Variants in MAST4 observed in about 807,000 individuals in gnomAD.
MAST4 encodes microtubule associated serine/threonine kinase family member 4.
A neutral mutation model predicts 162.7 loss-of-function variants in MAST4; 89 were observed. That is an observed-to-expected ratio of 0.55 (90% CI 0.46 to 0.65). The LOEUF (loss-of-function observed/expected upper bound fraction) is 0.65. Ranked by LOEUF, MAST4 falls within the 30% of genes least tolerant of loss-of-function variation. The probability of loss-of-function intolerance (pLI) is 0.00; values close to 1 mark genes in which losing one functional copy is unlikely to be tolerated. For missense variants in MAST4, 3,153 were observed against 3,374.0 expected (o/e 0.93, Z 1.62); for synonymous variants, 1,479 against 1,361.1 (o/e 1.09, Z -1.91).
intron 4 of MAST4, chr5:66,902,875 CT>C (rs764378742): frequency 2.7e-5 from 9 of 335,478 alleles, no homozygotes; most frequent in Non-Finnish European, 5.3e-5. Flanking sequence ...TACTTTCCCC[CT>C]CATTCTCCTT....
chr5:67,145,321 C>T lies in MAST4; in HGVS notation c.3036C>T (p.Ala1012=). Residue 1012 remains alanine, a synonymous_variant, in exon 23 of 29, where the codon GCC becomes GCT. Transcript: ENST00000403625. Reference sequence around the variant, plus strand: ...CAGCCCTTCCTCCTGAAGAGTGTGCCCAGGAGGAGCCTGAGGTCACCACCC... The same window carrying T: ...CAGCCCTTCCTCCTGAAGAGTGTGCTCAGGAGGAGCCTGAGGTCACCACCC... ...GKPALPPEEC[A]QEEPEVTTPA... is the part of the protein sequence containing the mutation. 6.2e-7 allele frequency: 1 copy of T among 1,613,634 alleles called. No homozygotes were observed. The highest frequency in any genetic ancestry group is 8.5e-7 in the Non-Finnish European group (1 of 1,179,860).
intron 4 of MAST4, among the ~76,000 whole-genome samples, chr5:66,977,077 C>T (rs1748235909): frequency 1.3e-5 from 2 of 152,120 alleles, no homozygotes; most frequent in Non-Finnish European, 1.5e-5. Context: ...GTCTCACCTT[C>T]ATGAATATGG....
In MAST4 at chr5:67,163,230, C is replaced by G; in HGVS notation, c.4051C>G (p.Leu1351Val). 1 of 1,613,952 alleles carries G rather than the reference C, an allele frequency of 6.2e-7. No individual in the cohort carries two copies. The highest frequency in any genetic ancestry group is 8.5e-7 in the Non-Finnish European group (1 of 1,179,902). Reference sequence around the variant, plus strand: ...GTCCGGGCACATCCGGCCCAGCACTCTCCACGGTCTTGCACCCAAACTCGG... The same window carrying G: ...GTCCGGGCACATCCGGCCCAGCACTGTCCACGGTCTTGCACCCAAACTCGG... ...AGSGHIRPSTLHGLAPKLGGQ... is the reference protein window; with the variant it reads ...AGSGHIRPSTVHGLAPKLGGQ... Residue 1351 changes from leucine (L) to valine (V), a missense_variant, in exon 29 of 29, where the codon CTC (leucine) becomes GTC (valine). Transcript: ENST00000403625. This position sits in a 1 kb window ranked among gnomAD's most constrained non-coding sequence, Gnocchi z 7.0.
chr5:66,958,121 T>G (rs184717389), intron 4 of MAST4, among the ~76,000 whole-genome samples: 298 of 151,742 alleles, frequency 2.0e-3, no homozygotes, highest in African/African-American at 6.9e-3. Flanking sequence ...CTCTCTCTCT[T>G]TGTGTGTGTG....
At chr5:66,981,922 A>T (rs569102681) in intron 4 of MAST4, among the ~76,000 whole-genome samples, 1 of 152,184 alleles carries the variant, frequency 6.6e-6, no homozygotes, top group African/African-American at 2.4e-5. Context: ...TAAAAACCCA[A>T]TGAGATCATT....
At chr5:66,697,743 A>G (rs1749496868) in intron 1 of MAST4, among the ~76,000 whole-genome samples, 1 of 152,100 alleles carries the variant, frequency 6.6e-6, no homozygotes, top group South Asian at 2.1e-4. Context: ...ATTATTTTTT[A>G]TTTTCTTCTC....
At chr5:66,710,865 A>G (rs1750452835) in intron 1 of MAST4, among the ~76,000 whole-genome samples, 1 of 152,196 alleles carries the variant, frequency 6.6e-6, no homozygotes, top group Admixed American at 6.5e-5. Flanking sequence ...TTTGTTCTTT[A>G]TGTATCATAT....
At position 67,071,116 on chromosome 5, in the gene MAST4, CTT is replaced by C. The variant is rs1364611098; in HGVS notation, c.763+16626_763+16627del. On this transcript the variant is annotated intron_variant, in intron 5 of 28. Transcript: ENST00000403625. ...TGATCAAAAATACTATCATTGAAGACTTTGATAAGTTGGTTAACAGTAAAATC... is the reference window on the plus strand; with the variant it reads ...TGATCAAAAATACTATCATTGAAGACTGATAAGTTGGTTAACAGTAAAATC... Among the ~76,000 whole-genome samples, 3 of 152,078 alleles carry C rather than the reference CTT, an allele frequency of 2.0e-5. No individual in the cohort carries two copies. In the South Asian group the frequency reaches 6.2e-4, roughly 32 times the overall value.
intron 4 of MAST4, among the ~76,000 whole-genome samples, chr5:67,041,331 A>G (rs989866423): frequency 6.6e-6 from 1 of 152,172 alleles, no homozygotes; most frequent in Non-Finnish European, 1.5e-5. Flanking sequence ...TCTGAAACCC[A>G]CCAATTATAC....
At chr5:66,970,277 G>A (rs191268109) in intron 4 of MAST4, among the ~76,000 whole-genome samples, 147 of 152,346 alleles carry the variant, frequency 9.6e-4, no homozygotes, top group Non-Finnish European at 8.8e-5. Context: ...CTCCAGAGGA[G>A]GACAGGGTGG....
chr5:66,997,623 G>C (rs1425011429), intron 4 of MAST4, among the ~76,000 whole-genome samples: 1 of 151,920 alleles, frequency 6.6e-6, no homozygotes, highest in Non-Finnish European at 1.5e-5. Context: ...AGTAGAGACG[G>C]GGTTTCGCCA....
chr5:67,046,868 A>G (rs1757435378), intron 4 of MAST4, among the ~76,000 whole-genome samples: 1 of 152,162 alleles, frequency 6.6e-6, no homozygotes, highest in Non-Finnish European at 1.5e-5. Context: ...ATGCCTTTAG[A>G]AGAGTTTTTC....
intron 4 of MAST4, among the ~76,000 whole-genome samples, chr5:67,041,462 A>T (rs1455037680): frequency 6.6e-6 from 1 of 152,234 alleles, no homozygotes; most frequent in African/African-American, 2.4e-5. Context: ...TATACCAGGG[A>T]TAAAGACCAA....
At chr5:66,766,086 A>G (rs1754082527) in intron 2 of MAST4, among the ~76,000 whole-genome samples, 1 of 152,180 alleles carries the variant, frequency 6.6e-6, no homozygotes, top group African/African-American at 2.4e-5. Context: ...ATTGTTGGTA[A>G]TATGCCTCAC....
intron 1 of MAST4, among the ~76,000 whole-genome samples, chr5:66,694,872 CT>C (rs1040898832): frequency 6.6e-6 from 1 of 151,930 alleles, no homozygotes; most frequent in South Asian, 2.1e-4. Context: ...TGTTTAATGC[CT>C]TTTTTTTCTT....
intron 4 of MAST4, among the ~76,000 whole-genome samples, chr5:66,967,262 A>G (rs189119714): frequency 2.0e-5 from 3 of 152,138 alleles, no homozygotes; most frequent in Admixed American, 6.5e-5. Context: ...GGAAGATTCT[A>G]TTCTTTTCAT....
intron 3 of MAST4, among the ~76,000 whole-genome samples, chr5:66,793,081 T>G (rs1454254105): frequency 6.6e-6 from 1 of 152,234 alleles, no homozygotes; most frequent in East Asian, 1.9e-4. Context: ...ATGCATGACC[T>G]TTAGTGATTT....
intron 5 of MAST4, among the ~76,000 whole-genome samples, chr5:67,065,376 A>G (rs372041043): frequency 3.9e-5 from 6 of 152,296 alleles, no homozygotes; most frequent in African/African-American, 1.4e-4. Context: ...TCTCAGGTTT[A>G]TCTCTGAATT....
At chr5:67,036,577 T>C (rs1756045353) in intron 4 of MAST4, among the ~76,000 whole-genome samples, 1 of 152,168 alleles carries the variant, frequency 6.6e-6, no homozygotes, top group African/African-American at 2.4e-5. Context: ...ATAGTATTTG[T>C]ATATAACCTA....
Sources: gnomAD v4.1 joint callset for allele counts (sites outside exome capture counted in the v4.1 genomes callset) on GRCh38, gnomAD v4.1.1 for gene constraint, Gnocchi (gnomAD v3.1) non-coding constraint, MANE v1.5 for transcripts, NCBI Gene and HGNC (gene_info 2026-07-23, HGNC 2026-07-21) for gene names.